The following EXOC6B variants were observed in gnomAD, a reference collection of about 807,000 sequenced individuals.
EXOC6B encodes the protein SEC15 homolog B.
In EXOC6B, 54 loss-of-function variants were observed where a neutral mutation model predicts 113.5. The ratio of observed to expected loss-of-function variants is 0.48; its 90% CI spans 0.38 to 0.60. The LOEUF (loss-of-function observed/expected upper bound fraction) is 0.60, where lower values mean the gene tolerates loss of function less well. Ranked by LOEUF, EXOC6B falls within the 20% of genes least tolerant of loss-of-function variation. The probability of loss-of-function intolerance (pLI) is 0.00; values close to 1 mark genes in which losing one functional copy is unlikely to be tolerated. For synonymous variants in EXOC6B, 357 were observed against 339.0 expected (o/e 1.05, Z -0.58); for missense variants, 797 against 977.5 (o/e 0.82, Z 2.46).
chr2:72,579,434 TTTATTA>T (rs1705066219), intron 6 of EXOC6B, among the ~76,000 whole-genome samples: 1 of 152,156 alleles, frequency 6.6e-6, no homozygotes, highest in African/African-American at 2.4e-5. Flanking sequence ...AATTTAGATA[TTTATTA>T]TATAAAGGCA....
At chr2:72,406,035 A>G (rs1693730529) in intron 18 of EXOC6B, among the ~76,000 whole-genome samples, 1 of 152,222 alleles carries the variant, frequency 6.6e-6, no homozygotes, top group Admixed American at 6.5e-5. Flanking sequence ...AAAATAAAAA[A>G]AGGCAGGGGT....
intron 6 of EXOC6B, among the ~76,000 whole-genome samples, chr2:72,616,502 C>T (rs996344677): frequency 6.6e-6 from 1 of 152,154 alleles, no homozygotes; most frequent in Non-Finnish European, 1.5e-5. Flanking sequence ...AGTCTGTTTC[C>T]ATGGCTGGGG....
intron 1 of EXOC6B, among the ~76,000 whole-genome samples, chr2:72,755,703 A>C (rs569589313): frequency 6.6e-6 from 1 of 152,216 alleles, no homozygotes; most frequent in South Asian, 2.1e-4. Flanking sequence ...TCTGGCAATA[A>C]TTTGTTATTT....
intron 1 of EXOC6B, among the ~76,000 whole-genome samples, chr2:72,746,902 C>T (rs1681734584): frequency 1.3e-5 from 2 of 151,970 alleles, no homozygotes; most frequent in African/African-American, 4.8e-5. Context: ...AGATGGAAGA[C>T]AAAGCTCTCA....
chr2:72,742,379 G>C (rs555225225), intron 1 of EXOC6B, among the ~76,000 whole-genome samples: 1 of 152,156 alleles, frequency 6.6e-6, no homozygotes, highest in Non-Finnish European at 1.5e-5. Context: ...TGGCCAGGTT[G>C]ATCTTGAACT....
intron 6 of EXOC6B, among the ~76,000 whole-genome samples, chr2:72,593,176 C>G (rs1373513005): frequency 6.6e-6 from 1 of 152,118 alleles, no homozygotes; most frequent in East Asian, 1.9e-4. Context: ...CATACCTTGT[C>G]CTATGCATAT....
chr2:72,389,374 A>G (rs1446104681), intron 18 of EXOC6B, among the ~76,000 whole-genome samples: 1 of 151,940 alleles, frequency 6.6e-6, no homozygotes, highest in Non-Finnish European at 1.5e-5. Flanking sequence ...TTTTACTTCT[A>G]TATATGTTAT....
At chr2:72,204,707 G>A (rs1679725516) in intron 20 of EXOC6B, among the ~76,000 whole-genome samples, 1 of 152,140 alleles carries the variant, frequency 6.6e-6, no homozygotes, top group Admixed American at 6.5e-5. Flanking sequence ...ACGTAGCTGT[G>A]ATTAAACATT....
At chr2:72,499,806 T>C in intron 12 of EXOC6B, 95 bp downstream of exon 12, 2 of 801,046 alleles carry the variant, frequency 2.5e-6, no homozygotes, top group East Asian at 2.7e-5. Context: ...AGAACTATGA[T>C]TACAGGCAAA....
At chr2:72,427,864 T>G (rs541267704) in intron 18 of EXOC6B, among the ~76,000 whole-genome samples, 51 of 152,182 alleles carry the variant, frequency 3.4e-4, no homozygotes, top group African/African-American at 1.2e-3. Context: ...CATGGACCAA[T>G]TGGCACACAC....
At chr2:72,815,197 G>A (rs1277931081) in intron 1 of EXOC6B, among the ~76,000 whole-genome samples, 4 of 150,712 alleles carry the variant, frequency 2.7e-5, no homozygotes, top group Non-Finnish European at 5.9e-5. Context: ...ATATCAAAAA[G>A]AAAAAAATCC....
chr2:72,260,332 A>G (rs1182301033), intron 20 of EXOC6B, among the ~76,000 whole-genome samples: 1 of 152,208 alleles, frequency 6.6e-6, no homozygotes, highest in Non-Finnish European at 1.5e-5. Context: ...GAGGGCATTA[A>G]GAAAATACGT....
intron 19 of EXOC6B, among the ~76,000 whole-genome samples, chr2:72,357,460 G>A (rs1690032465): frequency 6.6e-6 from 1 of 152,082 alleles, no homozygotes; most frequent in Non-Finnish European, 1.5e-5. Flanking sequence ...GAGAGGCAAG[G>A]CAGGTGGGTC....
chr2:72,815,288 G>A (rs1225693263), intron 1 of EXOC6B, among the ~76,000 whole-genome samples: 4 of 151,838 alleles, frequency 2.6e-5, no homozygotes, highest in Non-Finnish European at 5.9e-5. Flanking sequence ...CCAGGAGTTC[G>A]ACAGCAGCCT....
intron 7 of EXOC6B, among the ~76,000 whole-genome samples, chr2:72,564,115 T>C (rs1268856017): frequency 6.6e-6 from 1 of 152,168 alleles, no homozygotes; most frequent in African/African-American, 2.4e-5. Flanking sequence ...TAAGAAAAGA[T>C]TGCTTGCCTC....
Position 72,498,540 on chromosome 2 carries a change from G to T in EXOC6B, c.1251C>A (p.Phe417Leu). The T allele has an allele frequency of 1.9e-6, 3 of 1,606,708 alleles. No homozygotes were observed. The highest frequency in any genetic ancestry group is 2.5e-6 in the Non-Finnish European group (3 of 1,176,626). Residue 417 changes from phenylalanine (F) to leucine (L), a missense_variant, in exon 13 of 22, where the codon TTC (phenylalanine) becomes TTA (leucine). Physicochemically the swap from Phe to Leu is conservative, Grantham distance 22. Coordinates refer to ENST00000272427, the MANE Select transcript of EXOC6B (RefSeq NM_015189.3). Reference protein sequence around the residue: ...LFADTLQVYGFPVNQLFDMLL... With the variant: ...LFADTLQVYGLPVNQLFDMLL... ...GCATGTCAAAAAGCTGATTTACAGG[G>T]AAACCATACACCTGAAACAAAATAA...
At chr2:72,616,159 T>A (rs1435047508) in intron 6 of EXOC6B, among the ~76,000 whole-genome samples, 1 of 151,992 alleles carries the variant, frequency 6.6e-6, no homozygotes, top group Non-Finnish European at 1.5e-5. Flanking sequence ...ATAAAAGATA[T>A]CCCATGTTCA....
chr2:72,698,168 A>C (rs1447197405), intron 6 of EXOC6B, among the ~76,000 whole-genome samples: 1 of 152,146 alleles, frequency 6.6e-6, no homozygotes, highest in Non-Finnish European at 1.5e-5. Flanking sequence ...GAGGAGAAAG[A>C]GGAATTAACT....
chr2:72,521,236 G>A (rs1377258759), intron 8 of EXOC6B, among the ~76,000 whole-genome samples: 2 of 152,104 alleles, frequency 1.3e-5, no homozygotes, highest in African/African-American at 4.8e-5. Context: ...AAGGCAATAA[G>A]TTGTCATCTA....
Sources: gnomAD v4.1 joint callset for allele counts (sites outside exome capture counted in the v4.1 genomes callset) on GRCh38, gnomAD v4.1.1 for gene constraint, MANE v1.5 for transcripts, NCBI Gene and HGNC (gene_info 2026-07-23, HGNC 2026-07-21) for gene names.